The following NUP98 variants were observed in gnomAD, a reference collection of about 807,000 sequenced individuals.
NUP98 encodes nuclear pore complex protein Nup98-Nup96.
A neutral mutation model predicts 191.9 loss-of-function variants in NUP98; 26 were observed. The ratio of observed to expected loss-of-function variants is 0.14; its 90% CI spans 0.10 to 0.19. The LOEUF is 0.19. Among genes scored for constraint, NUP98 ranks in the 10% least tolerant of loss-of-function variants. The pLI, the probability that NUP98 is intolerant of heterozygous loss-of-function variation, is 1.00. For missense variants in NUP98, 1,941 were observed against 2,178.8 expected, an observed-to-expected ratio of 0.89 and a Z score of 2.17; for synonymous variants, 808 against 778.4, an observed-to-expected ratio of 1.04 and a Z score of -0.63.
In NUP98 at chr11:3,706,568, T is replaced by C. The variant is rs1339088998; in HGVS notation, c.2802A>G (p.Val934=). 2 of 1,614,150 alleles carry C rather than the reference T, an allele frequency of 1.2e-6. No individual in the cohort carries two copies. Among genetic ancestry groups the C allele is most frequent in the South Asian group, 2.2e-5 (2 of 91,082 alleles). The stretch of plus-strand genomic sequence containing the variant: ...CCAAAACTGGCTCCTGGGTGATATC[T>C]ACCATGTCACTGTCCAGTTCCACAA... The part of the protein sequence containing the change: ...GRVVELDSDM[V]DITQEPVLDT... The change falls in exon 21 of 33, where the codon GTA becomes GTG. Residue 934 remains valine (V), a synonymous_variant. Coordinates refer to ENST00000324932, the MANE Select transcript of NUP98 (RefSeq NM_016320.5).
At chr11:3,754,557 C>A (rs2080889837) in intron 10 of NUP98, among the ~76,000 whole-genome samples, 1 of 152,104 alleles carries the variant, frequency 6.6e-6, no homozygotes, top group African/African-American at 2.4e-5. Flanking sequence ...ATGAACCTAG[C>A]CAGGATAGTA....
intron 1 of NUP98, among the ~76,000 whole-genome samples, chr11:3,794,214 G>C (rs2082452191): frequency 6.6e-6 from 1 of 152,164 alleles, no homozygotes; most frequent in African/African-American, 2.4e-5. Context: ...CCTTTCTCTA[G>C]AGCCATACTG....
intron 14 of NUP98, among the ~76,000 whole-genome samples, chr11:3,729,785 G>A (rs1371240912): frequency 6.7e-6 from 1 of 148,342 alleles, no homozygotes; most frequent in Non-Finnish European, 1.5e-5. Context: ...GGCCAAGGAG[G>A]TCAGATGGTA....
intron 20 of NUP98, chr11:3,711,817 A>G: frequency 9.8e-7 from 1 of 1,024,930 alleles, no homozygotes; most frequent in South Asian, 4.6e-5. Flanking sequence ...ACATGTATAT[A>G]CACACATTCT....
chr11:3,686,721 C>T (rs934244029), intron 28 of NUP98, among the ~76,000 whole-genome samples: 6 of 152,160 alleles, frequency 3.9e-5, no homozygotes, highest in African/African-American at 1.2e-4. Context: ...CGGTGGCTCA[C>T]GCCTGTAATC....
intron 30 of NUP98, among the ~76,000 whole-genome samples, chr11:3,682,136 C>T (rs2078000360): frequency 6.6e-6 from 1 of 152,192 alleles, no homozygotes; most frequent in African/African-American, 2.4e-5. Context: ...TCTCAGCCTT[C>T]ACAGAACTGA....
chr11:3,743,215 C>T (rs2080351323), intron 12 of NUP98, among the ~76,000 whole-genome samples: 1 of 151,488 alleles, frequency 6.6e-6, no homozygotes, highest in African/African-American at 2.4e-5. Context: ...GATGGGGTTT[C>T]ACCGTGTTGG....
intron 12 of NUP98, among the ~76,000 whole-genome samples, chr11:3,736,933 A>C (rs1408949634): frequency 6.6e-6 from 1 of 152,200 alleles, no homozygotes. Flanking sequence ...GAAATCACTA[A>C]GCCTAATTTT....
intron 26 of NUP98, 95 bp downstream of exon 26, chr11:3,695,354 C>T: frequency 8.6e-7 from 1 of 1,164,978 alleles, no homozygotes; most frequent in Admixed American, 2.8e-5. Flanking sequence ...TGTAACTGTG[C>T]ACAATTTACA....
intron 1 of NUP98, among the ~76,000 whole-genome samples, chr11:3,792,098 G>A (rs1194966259): frequency 1.4e-5 from 2 of 138,522 alleles, no homozygotes; most frequent in Non-Finnish European, 3.0e-5. Flanking sequence ...AGAATGGCGT[G>A]AACCCGGGAA....
chr11:3,768,139 T>A (rs2957868), intron 8 of NUP98, among the ~76,000 whole-genome samples: 1 of 152,036 alleles, frequency 6.6e-6, no homozygotes, highest in South Asian at 2.1e-4. Context: ...ACTTTGTTCT[T>A]GGCCGGGCAC....
intron 12 of NUP98, among the ~76,000 whole-genome samples, chr11:3,741,640 A>G (rs2080290141): frequency 6.6e-6 from 1 of 152,252 alleles, no homozygotes; most frequent in East Asian, 1.9e-4. Flanking sequence ...GGAAATCCAA[A>G]AAGACTGAGA....
chr11:3,704,405 T>G (rs276899), intron 22 of NUP98, among the ~76,000 whole-genome samples: 4 of 152,044 alleles, frequency 2.6e-5, no homozygotes, highest in Non-Finnish European at 1.5e-5. Context: ...ATCAAATATG[T>G]AATCACTTCC....
intron 10 of NUP98, among the ~76,000 whole-genome samples, chr11:3,759,662 TC>T (rs1392015984): frequency 5.3e-5 from 8 of 152,036 alleles, no homozygotes; most frequent in Non-Finnish European, 1.2e-4. Flanking sequence ...TTTACATTTT[TC>T]CCAGTAGGTT....
intron 23 of NUP98, 62 bp from the exon 24 acceptor site, chr11:3,700,901 C>G (rs1202886750): frequency 9.1e-7 from 1 of 1,101,366 alleles, no homozygotes; most frequent in African/African-American, 1.6e-5. Context: ...AGGATTTTTA[C>G]TTCAACCAAA....
intron 11 of NUP98, among the ~76,000 whole-genome samples, chr11:3,751,174 C>A (rs1025863222): frequency 6.6e-6 from 1 of 151,966 alleles, no homozygotes; most frequent in East Asian, 1.9e-4. Flanking sequence ...GCCTGACCAA[C>A]ATGGAGAAAC....
In NUP98 at chr11:3,708,098, T is replaced by G. The variant is rs549435533; in HGVS notation, c.2743-1471A>C. ...CCTGGGTGAGAGTTAAACTCCCATC[T>G]CAAAAAGAAAAATAAATAAAATAGG... is the stretch of plus-strand genomic sequence containing the variant. On this transcript the variant is annotated intron_variant, in intron 20 of 32. Transcript: ENST00000324932. Among the ~76,000 whole-genome samples, 452 of 152,176 alleles carry G rather than the reference T, an allele frequency of 3.0e-3. 4 individuals carry two copies. The highest frequency in any genetic ancestry group is 4.8e-3 in the Non-Finnish European group (327 of 67,996).
intron 15 of NUP98, 103 bp from the exon 16 acceptor site, chr11:3,723,558 G>T: frequency 1.1e-6 from 1 of 889,854 alleles, no homozygotes; most frequent in Non-Finnish European, 1.7e-6. Context: ...CACTGTTCTG[G>T]ATAGTTCCAT....
intron 10 of NUP98, among the ~76,000 whole-genome samples, chr11:3,754,138 G>GA (rs1239057252): frequency 6.6e-6 from 1 of 151,850 alleles, no homozygotes; most frequent in East Asian, 1.9e-4. Flanking sequence ...TAAAAAAAAT[G>GA]AAACAACTGG....
Sources: allele counts gnomAD v4.1 joint callset (sites outside exome capture counted in the v4.1 genomes callset), GRCh38; gene constraint gnomAD v4.1.1; transcripts MANE v1.5; gene names NCBI Gene and HGNC (gene_info 2026-07-23, HGNC 2026-07-21).